The following BRI3 variants were observed in gnomAD, a reference collection of about 807,000 sequenced individuals.
The protein encoded by BRI3 is membrane protein BRI3.
A neutral mutation model predicts 12.8 loss-of-function variants in BRI3; 6 were observed. The ratio of observed to expected loss-of-function variants is 0.47; its 90% confidence interval spans 0.26 to 0.93. The LOEUF (loss-of-function observed/expected upper bound fraction) is 0.93, where lower values mean the gene tolerates loss of function less well. BRI3 is among the 40% of genes least tolerant of loss of function. The probability of loss-of-function intolerance (pLI) is 0.15; values close to 1 mark genes in which losing one functional copy is unlikely to be tolerated. For synonymous variants in BRI3, 91 were observed against 76.1 expected (o/e 1.20, Z -1.02); for missense variants, 134 against 171.1 (o/e 0.78, Z 1.21).
At chr7:98,310,750 G>A (rs1332467424), downstream of BRI3, among the ~76,000 whole-genome samples, 1 of 151,706 alleles carries the variant, frequency 6.6e-6, no homozygotes, top group African/African-American at 2.4e-5. Flanking sequence ...ACAGTGGCAC[G>A]ATCTCAGCTC....
the BRI3 span, chr7:98,315,447 C>T: frequency 1.4e-6 from 2 of 1,405,220 alleles, no homozygotes; most frequent in East Asian, 2.7e-5. Flanking sequence ...AGGCAATTTG[C>T]CACCACACCC....
intron 2 of BRI3, among the ~76,000 whole-genome samples, chr7:98,290,178 GTTGTTTTTT>G (rs1225267039): frequency 4.3e-5 from 4 of 92,280 alleles, no homozygotes; most frequent in African/African-American, 1.1e-4. Flanking sequence ...GCCTCTCAAG[GTTGTTTTTT>G]TTTTTTTTTT....
the BRI3 span, chr7:98,315,630 A>ATAATAT: frequency 9.1e-7 from 1 of 1,103,272 alleles, no homozygotes; most frequent in Non-Finnish European, 1.2e-6. Flanking sequence ...AAAAAAAATA[A>ATAATAT]TAATAATAAT....
At chr7:98,312,123 A>T, downstream of BRI3, 1 of 1,609,908 alleles carries the variant, frequency 6.2e-7, no homozygotes, top group Non-Finnish European at 8.5e-7. Context: ...ATCATGGGTG[A>T]AGCCTGAGGA....
At chr7:98,311,831 G>A (rs1424748011), downstream of BRI3, among the ~76,000 whole-genome samples, 5 of 151,896 alleles carry the variant, frequency 3.3e-5, no homozygotes, top group African/African-American at 9.7e-5. Flanking sequence ...ACTTGAACCC[G>A]GGAGGTGGAG....
chr7:98,281,913 C>T lies in BRI3; in HGVS notation c.118C>T (p.Pro40Ser). Residue 40 changes from proline to serine, a missense_variant, in exon 1 of 3, where the codon CCG (proline) becomes TCG (serine). By Grantham distance (74) the Pro-to-Ser change is moderately conservative (BLOSUM62 -1). Transcript: ENST00000297290. ...CGCCATCCCCGCCGCGCCCCCGCCG[C>T]CGCCCTACCCCTACCTCGTCACAGG... Reference protein sequence around the residue: ...YGAIPAAPPPPPYPYLVTGIP... With the variant: ...YGAIPAAPPPSPYPYLVTGIP... 3 of 1,295,534 alleles carry T rather than the reference C, an allele frequency of 2.3e-6. No homozygotes were observed. The highest frequency in any genetic ancestry group is 2.9e-6 in the Non-Finnish European group (3 of 1,021,982). 80.3% of individuals were successfully genotyped at this position (1,295,534 alleles called of 1,614,324 possible).
At chr7:98,312,042 C>T (rs1800892478), downstream of BRI3, 1 of 1,519,796 alleles carries the variant, frequency 6.6e-7, no homozygotes, top group Non-Finnish European at 8.8e-7. Flanking sequence ...AAATTTGGCC[C>T]AGATCAAGTT....
At chr7:98,294,910 T>C (rs2116780122), downstream of BRI3, among the ~76,000 whole-genome samples, 1 of 152,268 alleles carries the variant, frequency 6.6e-6, no homozygotes, top group East Asian at 1.9e-4. Flanking sequence ...GCCAGGTGTG[T>C]GCGCGCCTTC....
intron 2 of BRI3, among the ~76,000 whole-genome samples, chr7:98,290,673 ATT>A (rs1450870976): frequency 6.6e-6 from 1 of 150,904 alleles, no homozygotes; most frequent in Non-Finnish European, 1.5e-5. Flanking sequence ...AGATTTTTGT[ATT>A]GTTAGTAGAG....
At chr7:98,322,462 G>A in the BRI3 span, among the ~76,000 whole-genome samples, 2 of 152,032 alleles carry the variant, frequency 1.3e-5, no homozygotes, top group Non-Finnish European at 2.9e-5. Context: ...TCAACTTCTC[G>A]CCCATGTGTA....
chr7:98,293,702 C>A, downstream of BRI3: 1 of 1,097,012 alleles, frequency 9.1e-7, no homozygotes, highest in South Asian at 1.3e-5. Context: ...GGCGGCTGAC[C>A]ACCTCCCCAG....
exon 2 of BRI3, chr7:98,308,583 C>T (rs1562967959): frequency 3.2e-6 from 1 of 314,862 alleles, no homozygotes; most frequent in Non-Finnish European, 6.3e-6. Flanking sequence ...ATACTCTCTA[C>T]CCATGAGCAC....
At chr7:98,293,592 C>T, downstream of BRI3, 1 of 1,613,166 alleles carries the variant, frequency 6.2e-7, no homozygotes, top group Non-Finnish European at 8.5e-7. Context: ...AAGGGGTTTT[C>T]TCCGCTGCAG....
chr7:98,319,252 G>A, the BRI3 span, among the ~76,000 whole-genome samples: 1 of 152,140 alleles, frequency 6.6e-6, no homozygotes, highest in Admixed American at 6.5e-5. Flanking sequence ...CCTCAATACC[G>A]GGTCTGTAGG....
chr7:98,319,334 G>A, the BRI3 span, among the ~76,000 whole-genome samples: 1 of 152,194 alleles, frequency 6.6e-6, no homozygotes, highest in Non-Finnish European at 1.5e-5. Context: ...CGCCATGCAG[G>A]AGCGGTCTCT....
the BRI3 span, among the ~76,000 whole-genome samples, chr7:98,319,723 G>A: frequency 2.0e-5 from 3 of 151,640 alleles, no homozygotes; most frequent in Non-Finnish European, 2.9e-5. Context: ...ATTTTTTTTT[G>A]TATTTTGAGT....
At chr7:98,293,566 G>T, downstream of BRI3, 1 of 1,613,936 alleles carries the variant, frequency 6.2e-7, no homozygotes, top group East Asian at 2.2e-5. Context: ...CAGTCGGGCG[G>T]AGTTTCACAG....
At chr7:98,292,958 G>A, downstream of BRI3, 1 of 1,221,542 alleles carries the variant, frequency 8.2e-7, no homozygotes, top group Non-Finnish European at 1.0e-6. Flanking sequence ...CGTGGTTGGA[G>A]GGAGGGTGGG....
intron 2 of BRI3, among the ~76,000 whole-genome samples, chr7:98,289,037 T>G (rs1211004702): frequency 6.6e-6 from 1 of 152,152 alleles, no homozygotes; most frequent in African/African-American, 2.4e-5. Context: ...CTCAGCTCAC[T>G]GCAACCTCTG....
Sources: allele counts gnomAD v4.1 joint callset (sites outside exome capture counted in the v4.1 genomes callset), GRCh38; gene constraint gnomAD v4.1.1; transcripts MANE v1.5; gene names NCBI Gene and HGNC (gene_info 2026-07-23, HGNC 2026-07-21).